Variants in SPAG16 observed in about 807,000 individuals in gnomAD.
The protein encoded by SPAG16 is sperm-associated antigen 16 protein.
Under a neutral mutation model 80.4 loss-of-function variants are expected in SPAG16, and 86 were observed. The ratio of observed to expected loss-of-function variants is 1.07; its 90% confidence interval spans 0.90 to 1.28. The LOEUF (loss-of-function observed/expected upper bound fraction) is 1.28, where lower values mean the gene tolerates loss of function less well. Among genes scored for constraint, SPAG16 ranks in the 50% most tolerant of loss-of-function variants. The probability of loss-of-function intolerance (pLI) is 0.00; values close to 1 mark genes in which losing one functional copy is unlikely to be tolerated. For synonymous variants in SPAG16, 294 were observed against 265.9 expected (o/e 1.11, Z -1.03); for missense variants, 870 against 765.3 (o/e 1.14, Z -1.61).
intron 15 of SPAG16, among the ~76,000 whole-genome samples, chr2:214,379,447 A>T (rs1700325093): frequency 6.6e-6 from 1 of 152,228 alleles, no homozygotes; most frequent in African/African-American, 2.4e-5. Flanking sequence ...TTCCTTTTGT[A>T]TTCCTTGGAG....
At chr2:213,808,117 G>A (rs890763899) in intron 10 of SPAG16, among the ~76,000 whole-genome samples, 7 of 152,176 alleles carry the variant, frequency 4.6e-5, no homozygotes, top group East Asian at 3.9e-4. Flanking sequence ...GTAAAGCCAC[G>A]TATGAATGAG....
At chr2:214,240,060 G>A (rs554163389) in intron 15 of SPAG16, 3 of 152,154 alleles carry the variant, frequency 2.0e-5, no homozygotes, top group Non-Finnish European at 4.4e-5. Flanking sequence ...AGAATGATGA[G>A]GAAAGGACCA....
intron 11 of SPAG16, among the ~76,000 whole-genome samples, chr2:213,863,278 A>G (rs1165317165): frequency 6.6e-6 from 1 of 152,072 alleles, no homozygotes; most frequent in African/African-American, 2.4e-5. Flanking sequence ...GCTTCGTTCT[A>G]AAACTCTCTG....
chr2:214,126,421 G>A (rs578209261), intron 14 of SPAG16, among the ~76,000 whole-genome samples: 9 of 151,620 alleles, frequency 5.9e-5, no homozygotes, highest in African/African-American at 1.2e-4. Context: ...TCAGGGTGTC[G>A]TGTTCTGAGC....
chr2:213,323,785 C>G (rs879499985), intron 5 of SPAG16, among the ~76,000 whole-genome samples: 3 of 152,158 alleles, frequency 2.0e-5, no homozygotes, highest in Non-Finnish European at 4.4e-5. Flanking sequence ...CAATGCAATA[C>G]TACTCATCCT....
At chr2:213,978,463 TC>T (rs2045531640) in intron 12 of SPAG16, among the ~76,000 whole-genome samples, 1 of 152,164 alleles carries the variant, frequency 6.6e-6, no homozygotes, top group African/African-American at 2.4e-5. Context: ...TTCCTAAAAC[TC>T]TTCTTAAAAC....
chr2:213,954,081 T>A (rs2043994165), intron 12 of SPAG16, among the ~76,000 whole-genome samples: 1 of 151,944 alleles, frequency 6.6e-6, no homozygotes, highest in African/African-American at 2.4e-5. Flanking sequence ...TATAATCCAA[T>A]GTTAGAACAA....
At chr2:213,777,269 C>T (rs1260454376) in intron 10 of SPAG16, among the ~76,000 whole-genome samples, 1 of 81,670 alleles carries the variant, frequency 1.2e-5, no homozygotes, top group Non-Finnish European at 2.2e-5. Flanking sequence ...TTTTTTGAGA[C>T]GTAGTCTCAT....
intron 10 of SPAG16, among the ~76,000 whole-genome samples, chr2:213,522,813 A>ATATATG (rs2075730184): frequency 6.7e-6 from 1 of 149,018 alleles, no homozygotes; most frequent in Non-Finnish European, 1.5e-5. Context: ...ATATATATAT[A>ATATATG]TAACAAACTT....
At chr2:213,289,098 C>G (rs1225244868) in intron 1 of SPAG16, among the ~76,000 whole-genome samples, 1 of 152,208 alleles carries the variant, frequency 6.6e-6, no homozygotes, top group Admixed American at 6.5e-5. Context: ...AATAAATATT[C>G]TAATTCAATA....
chr2:214,373,531 C>A (rs1254819331), intron 15 of SPAG16, among the ~76,000 whole-genome samples: 3 of 151,994 alleles, frequency 2.0e-5, no homozygotes, highest in East Asian at 3.9e-4. Context: ...CTGTCCATGG[C>A]AGGGAATGTT....
chr2:214,102,598 G>A (rs1384861826), intron 13 of SPAG16, among the ~76,000 whole-genome samples: 5 of 152,006 alleles, frequency 3.3e-5, no homozygotes, highest in Non-Finnish European at 7.4e-5. Flanking sequence ...GCAGATTATG[G>A]TGGATATTTT....
At chr2:213,765,135 C>T (rs2068863690) in intron 10 of SPAG16, among the ~76,000 whole-genome samples, 1 of 152,196 alleles carries the variant, frequency 6.6e-6, no homozygotes, top group Non-Finnish European at 1.5e-5. Context: ...TGGGAAGTGC[C>T]CGAGGCGGGC....
chr2:213,792,947 G>C, intron 10 of SPAG16, among the ~76,000 whole-genome samples: 1 of 150,042 alleles, frequency 6.7e-6, no homozygotes, highest in East Asian at 2.0e-4. Context: ...TTTTTTTTGA[G>C]ATGAAGTCTC....
intron 15 of SPAG16, among the ~76,000 whole-genome samples, chr2:214,360,118 A>T (rs184273846): frequency 1.6e-4 from 24 of 152,052 alleles, no homozygotes; most frequent in African/African-American, 5.5e-4. Flanking sequence ...TATTCTGGAC[A>T]GGATATAACG....
intron 12 of SPAG16, among the ~76,000 whole-genome samples, chr2:213,954,842 A>T (rs1276181006): frequency 6.6e-6 from 1 of 152,138 alleles, no homozygotes; most frequent in Admixed American, 6.5e-5. Context: ...AAATATTATG[A>T]TTATTATAGC....
At chr2:213,381,697 A>G (rs916492965) in intron 9 of SPAG16, among the ~76,000 whole-genome samples, 4 of 152,210 alleles carry the variant, frequency 2.6e-5, no homozygotes, top group Non-Finnish European at 5.9e-5. Flanking sequence ...AAGTATACCC[A>G]TGGGACACCA....
chr2:213,691,969 C>G (rs1034042357), intron 10 of SPAG16, among the ~76,000 whole-genome samples: 16 of 152,130 alleles, frequency 1.1e-4, no homozygotes, highest in Admixed American at 9.2e-4. Context: ...CACAAATTTA[C>G]TCAAATGTGG....
chr2:214,044,919 G>A (rs781304718), intron 13 of SPAG16, among the ~76,000 whole-genome samples: 10 of 152,292 alleles, frequency 6.6e-5, no homozygotes, highest in Non-Finnish European at 8.8e-5. Flanking sequence ...CACTGTGGGC[G>A]GAAGTGCTCT....
Sources: gnomAD v4.1 joint callset for allele counts (sites outside exome capture counted in the v4.1 genomes callset) on GRCh38, gnomAD v4.1.1 for gene constraint, MANE v1.5 for transcripts, NCBI Gene and HGNC (gene_info 2026-07-23, HGNC 2026-07-21) for gene names.